The following PRKCA variants were observed in gnomAD, a reference collection of about 807,000 sequenced individuals.
The protein encoded by PRKCA is protein kinase C alpha.
PRKCA carries 27 observed loss-of-function variants against 87.0 expected under a neutral mutation model. The ratio of observed to expected loss-of-function variants is 0.31; its 90% CI spans 0.23 to 0.43. The LOEUF is 0.43. Among genes scored for constraint, PRKCA ranks in the 20% least tolerant of loss-of-function variants. The pLI is 1.00. For synonymous variants in PRKCA, 329 were observed against 311.1 expected, an observed-to-expected ratio of 1.06 and a Z score of -0.61; for missense variants, 518 against 852.3, an observed-to-expected ratio of 0.61 and a Z score of 4.88.
At chr17:66,330,128 A>C (rs1380245115) in intron 2 of PRKCA, among the ~76,000 whole-genome samples, 2 of 147,276 alleles carry the variant, frequency 1.4e-5, no homozygotes, top group Non-Finnish European at 3.0e-5. Flanking sequence ...TTTTTTAAAC[A>C]GAGTTTCACT....
At chr17:66,653,007 C>G (rs955126637) in intron 5 of PRKCA, among the ~76,000 whole-genome samples, 1 of 152,244 alleles carries the variant, frequency 6.6e-6, no homozygotes, top group Non-Finnish European at 1.5e-5. Context: ...GAGCACTCAC[C>G]TGGCCCCTGG....
chr17:66,695,089 A>T (rs566926683), intron 8 of PRKCA, among the ~76,000 whole-genome samples: 1 of 152,228 alleles, frequency 6.6e-6, no homozygotes, highest in East Asian at 1.9e-4. Context: ...CCAGAGTTAC[A>T]TTCCTTCCTT....
intron 1 of PRKCA, 140 bp from the exon 2 acceptor site, chr17:66,305,956 A>G (rs907660245): frequency 9.2e-6 from 7 of 763,278 alleles, no homozygotes; most frequent in Admixed American, 2.5e-5. Flanking sequence ...CTAGATATTT[A>G]GGTATGTTTT....
chr17:66,376,258 A>G (rs1472010638), intron 2 of PRKCA, among the ~76,000 whole-genome samples: 1 of 152,128 alleles, frequency 6.6e-6, no homozygotes, highest in East Asian at 1.9e-4. Flanking sequence ...AGGTTCAGAG[A>G]CAAGCTAACT....
chr17:66,388,756 A>T (rs1910204093), intron 2 of PRKCA, among the ~76,000 whole-genome samples: 1 of 152,172 alleles, frequency 6.6e-6, no homozygotes, highest in Non-Finnish European at 1.5e-5. Flanking sequence ...ACTGTGGGGC[A>T]GCTGCACCTT....
chr17:66,312,717 TTCCTATCGTAGGACC>T (rs1905140368), intron 2 of PRKCA, among the ~76,000 whole-genome samples: 1 of 150,268 alleles, frequency 6.7e-6, no homozygotes, highest in African/African-American at 2.4e-5. Flanking sequence ...CTACATGTTC[TTCCTATCGTAGGACC>T]TTTTTTTTTT....
chr17:66,765,757 G>A (rs553820046), intron 13 of PRKCA, among the ~76,000 whole-genome samples: 4 of 151,814 alleles, frequency 2.6e-5, no homozygotes, highest in South Asian at 2.1e-4. Flanking sequence ...ATCCTAAGTC[G>A]TGTGTATCTG....
chr17:66,371,103 G>A (rs1269502906), intron 2 of PRKCA, among the ~76,000 whole-genome samples: 1 of 152,202 alleles, frequency 6.6e-6, no homozygotes, highest in Non-Finnish European at 1.5e-5. Flanking sequence ...TATGATGTAT[G>A]TATTTTTGCA....
chr17:66,482,112 A>AG (rs199711546), intron 2 of PRKCA, among the ~76,000 whole-genome samples: 2,204 of 150,306 alleles, frequency 0.015, 34 homozygotes, highest in Non-Finnish European at 0.023. Context: ...AAAAAAAAAA[A>AG]AAAAAGAAAA....
At chr17:66,749,951 T>C (rs1459127044) in intron 13 of PRKCA, among the ~76,000 whole-genome samples, 1 of 151,842 alleles carries the variant, frequency 6.6e-6, no homozygotes, top group African/African-American at 2.4e-5. Flanking sequence ...TGGGACATCA[T>C]CCCAGGTCCC....
intron 2 of PRKCA, among the ~76,000 whole-genome samples, chr17:66,308,017 G>T (rs1414654632): frequency 6.6e-6 from 1 of 152,096 alleles, no homozygotes; most frequent in Non-Finnish European, 1.5e-5. Context: ...CAAAGCATCA[G>T]TTCTGCCTTA....
At chr17:66,738,908 G>T in intron 11 of PRKCA, 53 bp downstream of exon 11, 1 of 1,365,572 alleles carries the variant, frequency 7.3e-7, no homozygotes, top group South Asian at 1.2e-5. Flanking sequence ...CCTACCAACT[G>T]GAAACTTCCT....
At chr17:66,706,191 C>T (rs1396700517) in intron 8 of PRKCA, among the ~76,000 whole-genome samples, 1 of 152,206 alleles carries the variant, frequency 6.6e-6, no homozygotes, top group Non-Finnish European at 1.5e-5. Flanking sequence ...AACCTGTTGA[C>T]TGATGAGTAA....
intron 5 of PRKCA, among the ~76,000 whole-genome samples, chr17:66,653,326 A>T (rs569808672): frequency 7.2e-4 from 110 of 152,284 alleles, no homozygotes; most frequent in African/African-American, 2.6e-3. Flanking sequence ...GGACATGGTG[A>T]CTCATTCCTG....
At chr17:66,346,365 A>G (rs140630811) in intron 2 of PRKCA, among the ~76,000 whole-genome samples, 2,314 of 151,682 alleles carry the variant, frequency 0.015, 66 homozygotes, top group African/African-American at 0.053. Flanking sequence ...CCAAAGTGCT[A>G]AGATTACAGG....
At chr17:66,802,570 T>C (rs1975925436) in intron 16 of PRKCA, among the ~76,000 whole-genome samples, 1 of 150,426 alleles carries the variant, frequency 6.6e-6, no homozygotes, top group Non-Finnish European at 1.5e-5. Context: ...TCCTAGAAGA[T>C]AAAGTGTGAA....
At chr17:66,500,966 T>G (rs889629857) in intron 3 of PRKCA, among the ~76,000 whole-genome samples, 8 of 152,142 alleles carry the variant, frequency 5.3e-5, no homozygotes, top group Non-Finnish European at 1.2e-4. Flanking sequence ...TAGGATTTTT[T>G]TTTTCGTACC....
chr17:66,655,077 C>A (rs1971699801), intron 5 of PRKCA, among the ~76,000 whole-genome samples: 1 of 152,218 alleles, frequency 6.6e-6, no homozygotes, highest in Non-Finnish European at 1.5e-5. Context: ...GCTTAACATC[C>A]AGGCACATCC....
Position 66,585,060 on chromosome 17 carries a change from AT to A in PRKCA, c.289-56294del, listed in dbSNP as rs546346187. 4.1e-3 allele frequency among the ~76,000 whole-genome samples: 506 copies of A among 123,438 alleles called. 6 individuals are homozygous for A. Among genetic ancestry groups the A allele is most frequent in the African/African-American group, 0.016 (493 of 30,556 alleles). 81.0% of individuals were successfully genotyped at this position (123,438 alleles called of 152,430 possible). A position where few individuals can be genotyped will look rare whatever the true frequency, so the allele number is the denominator to read the frequency against. On this transcript the variant is annotated intron_variant, in intron 3 of 16. Transcript: ENST00000413366. Reference sequence around the variant, plus strand: ...GTCTTCCAGTTCCATGGTGAAATGCATGGGGAGGGGGGGGTGGTGGTTAATA... The same window carrying A: ...GTCTTCCAGTTCCATGGTGAAATGCAGGGGAGGGGGGGGTGGTGGTTAATA...
Sources: gnomAD v4.1 joint callset for allele counts (sites outside exome capture counted in the v4.1 genomes callset) on GRCh38, gnomAD v4.1.1 for gene constraint, MANE v1.5 for transcripts, NCBI Gene and HGNC (gene_info 2026-07-23, HGNC 2026-07-21) for gene names.